Variants in ABHD12 observed in about 807,000 individuals in gnomAD.
ABHD12 encodes the protein lysophosphatidylserine lipase ABHD12.
ABHD12 carries 43 observed loss-of-function variants against 58.3 expected under a neutral mutation model. That is an observed-to-expected ratio of 0.74 (90% CI 0.58 to 0.95). The LOEUF is 0.95. Ranked by LOEUF, ABHD12 falls within the 40% of genes least tolerant of loss-of-function variation. The pLI, the probability that ABHD12 is intolerant of heterozygous loss-of-function variation, is 0.00. For missense variants in ABHD12, 539 were observed against 537.2 expected, an observed-to-expected ratio of 1.00 and a Z score of -0.03; for synonymous variants, 219 against 211.2, an observed-to-expected ratio of 1.04 and a Z score of -0.32.
intron 6 of ABHD12, among the ~76,000 whole-genome samples, chr20:25,314,689 A>G (rs549082106): frequency 6.6e-6 from 1 of 152,038 alleles, no homozygotes; most frequent in Admixed American, 6.6e-5. Context: ...AAAAAAAAAA[A>G]AAAAAAAGTT....
intron 6 of ABHD12, among the ~76,000 whole-genome samples, chr20:25,311,944 G>C (rs1440308232): frequency 3.3e-5 from 5 of 151,978 alleles, no homozygotes; most frequent in Admixed American, 3.3e-4. Flanking sequence ...CTGGTTTCAA[G>C]CAATCTGCCC....
At chr20:25,369,623 C>T (rs911085019) in intron 1 of ABHD12, among the ~76,000 whole-genome samples, 9 of 152,160 alleles carry the variant, frequency 5.9e-5, no homozygotes, top group African/African-American at 2.2e-4. Context: ...TGTGAGACCG[C>T]GTCTCAGTTC....
intron 1 of ABHD12, among the ~76,000 whole-genome samples, chr20:25,364,177 C>T (rs1372099941): frequency 2.0e-5 from 3 of 152,196 alleles, no homozygotes; most frequent in Admixed American, 6.5e-5. Context: ...CAAAATCATT[C>T]GCCTTCACTT....
At chr20:25,382,945 G>C (rs1217732678) in intron 1 of ABHD12, among the ~76,000 whole-genome samples, 1 of 152,166 alleles carries the variant, frequency 6.6e-6, no homozygotes, top group Non-Finnish European at 1.5e-5. Flanking sequence ...GTTGAGGGGG[G>C]GGGCCAGCTA....
intron 2 of ABHD12, 57 bp from the exon 3 acceptor site, chr20:25,323,487 ACACACAAACATGCATACT>A (rs2089118928): frequency 4.6e-6 from 5 of 1,083,290 alleles, no homozygotes; most frequent in Non-Finnish European, 7.2e-6. Flanking sequence ...ACACACATGT[ACACACAAACATGCATACT>A]CACACACGTG....
chr20:25,341,109 G>C (rs903793291), intron 1 of ABHD12, among the ~76,000 whole-genome samples: 2 of 152,238 alleles, frequency 1.3e-5, no homozygotes, highest in African/African-American at 4.8e-5. Flanking sequence ...GGTTCATTCA[G>C]AGATCATCAT....
At chr20:25,299,085 A>G (rs1449225417), downstream of ABHD12, among the ~76,000 whole-genome samples, 2 of 83,592 alleles carry the variant, frequency 2.4e-5, no homozygotes, top group Non-Finnish European at 4.1e-5. Context: ...TCTTATCTGC[A>G]TCATCTCAGT....
downstream of ABHD12, chr20:25,296,253 G>A (rs751479072): frequency 2.5e-4 from 321 of 1,282,214 alleles, 2 homozygotes; most frequent in African/African-American, 5.4e-4. Flanking sequence ...CTCTTCCAGC[G>A]GATGGCCCCA....
At chr20:25,320,834 G>C (rs1053621634) in intron 3 of ABHD12, among the ~76,000 whole-genome samples, 1 of 104,878 alleles carries the variant, frequency 9.5e-6, no homozygotes, top group African/African-American at 3.5e-5. Flanking sequence ...CTAATGTCAA[G>C]TATGCACCAC....
chr20:25,362,404 T>C (rs1296803462), intron 1 of ABHD12, among the ~76,000 whole-genome samples: 1 of 149,698 alleles, frequency 6.7e-6, no homozygotes, highest in Non-Finnish European at 1.5e-5. Context: ...CCGTGTCTAC[T>C]AAAAATACAA....
intron 9 of ABHD12, among the ~76,000 whole-genome samples, chr20:25,307,448 G>T (rs2088766060): frequency 6.6e-6 from 1 of 152,250 alleles, no homozygotes; most frequent in Admixed American, 6.5e-5. Context: ...AGAAGGAGGG[G>T]AAAATAACTG....
At chr20:25,295,319 C>T (rs1211604618), downstream of ABHD12, among the ~76,000 whole-genome samples, 3 of 152,234 alleles carry the variant, frequency 2.0e-5, no homozygotes, top group East Asian at 1.9e-4. Context: ...AACTGCCCTG[C>T]GTGTGGAAGA....
intron 1 of ABHD12, chr20:25,390,190 C>T: frequency 4.1e-6 from 1 of 241,192 alleles, no homozygotes; most frequent in Non-Finnish European, 7.9e-6. Context: ...GGCGCCAAGC[C>T]CCCAGCGTAA....
At chr20:25,372,609 T>C (rs2089912549) in intron 1 of ABHD12, among the ~76,000 whole-genome samples, 1 of 152,214 alleles carries the variant, frequency 6.6e-6, no homozygotes, top group African/African-American at 2.4e-5. Context: ...TGGTCAAGAA[T>C]TTTGGACGGA....
At chr20:25,389,464 A>T (rs1455350765) in intron 1 of ABHD12, among the ~76,000 whole-genome samples, 1 of 152,210 alleles carries the variant, frequency 6.6e-6, no homozygotes, top group African/African-American at 2.4e-5. Context: ...TGGTCAAAAA[A>T]GAAGTGCCTC....
At chr20:25,368,280 GTT>G in intron 1 of ABHD12, 1 of 1,532,520 alleles carries the variant, frequency 6.5e-7, no homozygotes, top group Non-Finnish European at 8.9e-7. Flanking sequence ...ACTTATTAGA[GTT>G]GTTCACAGTC....
intron 11 of ABHD12, 114 bp downstream of exon 11, chr20:25,303,436 C>T (rs551712081): frequency 9.1e-6 from 14 of 1,538,444 alleles, no homozygotes; most frequent in Middle Eastern, 4.5e-4. Flanking sequence ...GTGCGCAGCC[C>T]GTGATGCAGC....
chr20:25,369,705 C>T (rs1003599947), intron 1 of ABHD12, among the ~76,000 whole-genome samples: 1 of 152,228 alleles, frequency 6.6e-6, no homozygotes, highest in Non-Finnish European at 1.5e-5. Flanking sequence ...AATAGCTACA[C>T]ATGCATGCAC....
At chr20:25,308,102 G>A (rs2088779168) in intron 8 of ABHD12, 57 bp from the exon 9 acceptor site, 1 of 1,224,172 alleles carries the variant, frequency 8.2e-7, no homozygotes, top group Non-Finnish European at 1.2e-6. Flanking sequence ...CATACATGTG[G>A]CCTGTGGGGC....
Sources: allele counts gnomAD v4.1 joint callset (sites outside exome capture counted in the v4.1 genomes callset), GRCh38; gene constraint gnomAD v4.1.1; transcripts MANE v1.5; gene names NCBI Gene and HGNC (gene_info 2026-07-23, HGNC 2026-07-21).